The following LDB2 variants were observed in gnomAD, a reference collection of about 807,000 sequenced individuals.
LDB2 encodes LIM domain binding 2.
A neutral mutation model predicts 44.3 loss-of-function variants in LDB2; 12 were observed. That is an observed-to-expected ratio of 0.27 (90% confidence interval 0.17 to 0.44). LDB2 has a LOEUF of 0.44. LDB2 is among the 20% of genes least tolerant of loss of function. The pLI is 1.00. For synonymous variants in LDB2, 164 were observed against 174.8 expected, an observed-to-expected ratio of 0.94 and a Z score of 0.49; for missense variants, 344 against 473.5, an observed-to-expected ratio of 0.73 and a Z score of 2.54.
chr4:16,660,665 C>G (rs896666132), intron 2 of LDB2, among the ~76,000 whole-genome samples: 4 of 152,202 alleles, frequency 2.6e-5, no homozygotes, highest in African/African-American at 9.6e-5. Context: ...GCATTAATTT[C>G]TACTTTTCAT....
chr4:16,859,775 T>C (rs2110248998), intron 1 of LDB2, among the ~76,000 whole-genome samples: 1 of 152,322 alleles, frequency 6.6e-6, no homozygotes, highest in East Asian at 1.9e-4. Flanking sequence ...AAAGAAGCAA[T>C]GTTCATTGAC....
At chr4:16,514,821 T>C (rs1161326246) in intron 5 of LDB2, among the ~76,000 whole-genome samples, 2 of 152,196 alleles carry the variant, frequency 1.3e-5, no homozygotes, top group Admixed American at 6.5e-5. Flanking sequence ...AGTGTTAATA[T>C]GGAAAAACCT....
chr4:16,686,770 C>G (rs1249341219), intron 2 of LDB2, among the ~76,000 whole-genome samples: 1 of 152,206 alleles, frequency 6.6e-6, no homozygotes, highest in African/African-American at 2.4e-5. Context: ...ATTGCTCAAA[C>G]TCAGGTTGCC....
chr4:16,773,595 T>C (rs1215540133), intron 1 of LDB2, among the ~76,000 whole-genome samples: 1 of 152,150 alleles, frequency 6.6e-6, no homozygotes, highest in Admixed American at 6.5e-5. Flanking sequence ...CAGGCAGTAA[T>C]GTGAGTGATG....
intron 1 of LDB2, among the ~76,000 whole-genome samples, chr4:16,842,449 A>C (rs541869236): frequency 6.6e-6 from 1 of 152,362 alleles, no homozygotes; most frequent in East Asian, 1.9e-4. Flanking sequence ...TCCATGCTCT[A>C]AACAGTTATT....
intron 5 of LDB2, among the ~76,000 whole-genome samples, chr4:16,553,918 G>T (rs921441506): frequency 5.7e-4 from 87 of 152,186 alleles, no homozygotes; most frequent in African/African-American, 2.0e-3. Context: ...AGGAATTCAT[G>T]CCCACACCCT....
At position 16,614,997 on chromosome 4, in the gene LDB2, G is replaced by C. The variant is rs1726833915; in HGVS notation, c.236-19122C>G. 2.0e-5 allele frequency among the ~76,000 whole-genome samples: 3 copies of C among 146,864 alleles called. No homozygotes were observed. In the South Asian group the frequency reaches 6.6e-4, roughly 32 times the overall value. ...AGGCAGGAGAATGGCGTGAACCCGG[G>C]AGGTGGAGCTTGCAGTGAGCCGAGA... On this transcript the variant is annotated intron_variant, in intron 2 of 7. Transcript: ENST00000304523.
At chr4:16,714,762 T>C (rs755646810) in intron 2 of LDB2, among the ~76,000 whole-genome samples, 14 of 152,168 alleles carry the variant, frequency 9.2e-5, no homozygotes, top group Admixed American at 3.3e-4. Flanking sequence ...TGGTGGCTGC[T>C]GGTAACCCTT....
intron 1 of LDB2, among the ~76,000 whole-genome samples, chr4:16,790,068 TCCCTGTATA>T (rs1295750617): frequency 6.6e-6 from 1 of 152,206 alleles, no homozygotes; most frequent in Non-Finnish European, 1.5e-5. Flanking sequence ...TGCCATGTTG[TCCCTGTATA>T]CCCTTTTGAA....
rs149774358 is a variant in LDB2, at chr4:16,816,341, G to A, written c.133-57081C>T. On this transcript the variant is annotated intron_variant, in intron 1 of 7. Coordinates refer to ENST00000304523, the MANE Select transcript of LDB2 (RefSeq NM_001290.5). The stretch of plus-strand genomic sequence containing the variant: ...CAATGCATTTCCCAAGTTCAAAAAC[G>A]CCTTTGTCATGAATCACTTTTCTTC... Among the ~76,000 whole-genome samples, 25 of 151,292 alleles carry A rather than the reference G, an allele frequency of 1.7e-4. No individual in the cohort carries two copies. The East Asian group carries it at 2.1e-3, about 13-fold the overall frequency.
At chr4:16,514,888 C>G (rs1723057261) in intron 5 of LDB2, among the ~76,000 whole-genome samples, 1 of 152,182 alleles carries the variant, frequency 6.6e-6, no homozygotes. Context: ...TATGAAGACT[C>G]TGTGTGCATT....
chr4:16,539,433 C>T (rs1732994916), intron 5 of LDB2, among the ~76,000 whole-genome samples: 1 of 152,142 alleles, frequency 6.6e-6, no homozygotes, highest in South Asian at 2.1e-4. Flanking sequence ...CTTTACTTCC[C>T]TCTGGTCACA....
At chr4:16,806,745 G>A (rs985935474) in intron 1 of LDB2, among the ~76,000 whole-genome samples, 2 of 152,134 alleles carry the variant, frequency 1.3e-5, no homozygotes, top group Non-Finnish European at 2.9e-5. Context: ...TGGAAATGTT[G>A]CATGCAACTT....
At chr4:16,749,363 G>C (rs1191556850) in intron 2 of LDB2, among the ~76,000 whole-genome samples, 1 of 151,632 alleles carries the variant, frequency 6.6e-6, no homozygotes, top group Non-Finnish European at 1.5e-5. Context: ...TTCGAGACCA[G>C]TCTCGCCAAT....
Position 16,502,184 on chromosome 4 carries a change from A to G in LDB2, c.*459T>C, listed in dbSNP as rs530692445. ...TTTTGTCTTTTCTTTTTTTACTGAA[A>G]CAAGAAACTCTCAGATGCAAGTCAA... is the stretch of plus-strand genomic sequence containing the variant. On this transcript the variant is annotated 3_prime_UTR_variant, in exon 8 of 8. Coordinates refer to ENST00000304523, the MANE Select transcript of LDB2 (RefSeq NM_001290.5). 3.9e-5 allele frequency: 6 copies of G among 154,564 alleles called. No individual in the cohort carries two copies. In the South Asian group the frequency reaches 6.1e-4, roughly 16 times the overall value. 9.6% of individuals were successfully genotyped at this position (154,564 alleles called of 1,614,324 possible).
intron 1 of LDB2, among the ~76,000 whole-genome samples, chr4:16,811,585 GT>G (rs2109856788): frequency 6.6e-6 from 1 of 152,268 alleles, no homozygotes; most frequent in East Asian, 1.9e-4. Flanking sequence ...GTGGAATTGT[GT>G]TACACTGTAA....
At chr4:16,654,145 A>ATT (rs1739078604) in intron 2 of LDB2, among the ~76,000 whole-genome samples, 3 of 152,220 alleles carry the variant, frequency 2.0e-5, no homozygotes, top group Non-Finnish European at 2.9e-5. Context: ...TAGTGCAGAC[A>ATT]AATATTTGAG....
At chr4:16,536,942 G>A (rs945699956) in intron 5 of LDB2, among the ~76,000 whole-genome samples, 5 of 152,316 alleles carry the variant, frequency 3.3e-5, no homozygotes, top group African/African-American at 1.2e-4. Flanking sequence ...TAAATGAAGT[G>A]CTGGGCCCAC....
chr4:16,605,095 T>G (rs1506466), intron 2 of LDB2, among the ~76,000 whole-genome samples: 1 of 151,784 alleles, frequency 6.6e-6, no homozygotes, highest in African/African-American at 2.4e-5. Flanking sequence ...TATATTTTTT[T>G]AAAAAATCAT....
Sources: gnomAD v4.1 joint callset for allele counts (sites outside exome capture counted in the v4.1 genomes callset) on GRCh38, gnomAD v4.1.1 for gene constraint, MANE v1.5 for transcripts, NCBI Gene and HGNC (gene_info 2026-07-23, HGNC 2026-07-21) for gene names.